Variants in CHN2 observed in about 807,000 individuals in gnomAD.
CHN2 encodes chimerin 2, also known as beta-chimaerin.
Under a neutral mutation model 56.3 loss-of-function variants are expected in CHN2, and 35 were observed. The observed-to-expected ratio is 0.62, with a 90% CI of 0.47 to 0.82. The LOEUF (loss-of-function observed/expected upper bound fraction) is 0.82. Among genes scored for constraint, CHN2 ranks in the 40% least tolerant of loss-of-function variants. The pLI is 0.00. For missense variants in CHN2, 491 were observed against 580.5 expected (o/e 0.85, Z 1.58); for synonymous variants, 210 against 212.8 (o/e 0.99, Z 0.12).
chr7:29,376,307 G>A (rs1473620762), intron 3 of CHN2: 3 of 152,186 alleles, frequency 2.0e-5, no homozygotes, highest in Non-Finnish European at 4.4e-5. Context: ...AATCCCATGG[G>A]GCTTGTTATC....
Position 29,513,472 on chromosome 7 carries a change from T to C in CHN2, c.*737T>C, listed in dbSNP as rs1274937206. 1 of 152,348 alleles carries C rather than the reference T, an allele frequency of 6.6e-6. No individual in the cohort carries two copies. The highest frequency in any genetic ancestry group is 1.5e-5 in the Non-Finnish European group (1 of 68,044). The allele number at this position is 152,348 out of a possible 1,614,324, so 9.4% of individuals were successfully genotyped here. On this transcript the variant is annotated 3_prime_UTR_variant, in exon 13 of 13. Transcript: ENST00000222792. The stretch of plus-strand genomic sequence containing the variant: ...ACACACTTTCTATGCATACAAATTT[T>C]GTGAATTCCCAAAGTATGCTTTGGA...
chr7:29,353,631 CA>C (rs1050295306), intron 1 of CHN2, among the ~76,000 whole-genome samples: 1 of 149,744 alleles, frequency 6.7e-6, no homozygotes, highest in Non-Finnish European at 1.5e-5. Flanking sequence ...GACTCTGTCT[CA>C]AAAAAAAAGA....
chr7:29,390,566 G>A (rs183121144), intron 3 of CHN2, among the ~76,000 whole-genome samples: 4 of 152,274 alleles, frequency 2.6e-5, no homozygotes, highest in Admixed American at 2.6e-4. Context: ...AACAAACATA[G>A]TTTTCAATGA....
intron 6 of CHN2, among the ~76,000 whole-genome samples, chr7:29,475,899 A>G (rs1314877912): frequency 6.6e-6 from 1 of 152,252 alleles, no homozygotes; most frequent in African/African-American, 2.4e-5. Flanking sequence ...GAGCAGTGGT[A>G]CTGATGGGTA....
At chr7:29,447,593 C>G (rs1784118970) in intron 6 of CHN2, among the ~76,000 whole-genome samples, 1 of 152,106 alleles carries the variant, frequency 6.6e-6, no homozygotes, top group Non-Finnish European at 1.5e-5. Flanking sequence ...AGAATCTTAG[C>G]AAGTCCCAGG....
intron 1 of CHN2, among the ~76,000 whole-genome samples, chr7:29,217,575 A>C (rs1406781528): frequency 6.6e-6 from 1 of 152,236 alleles, no homozygotes; most frequent in Non-Finnish European, 1.5e-5. Flanking sequence ...AATCTTCATG[A>C]TGAAAGAATC....
chr7:29,181,953 T>A (rs1269975894), intron 2 of CHN2, among the ~76,000 whole-genome samples: 1 of 152,242 alleles, frequency 6.6e-6, no homozygotes, highest in Non-Finnish European at 1.5e-5. Flanking sequence ...GCCTCTAACA[T>A]ATCTACAGTA....
chr7:29,447,061 C>T (rs958295283), intron 6 of CHN2, among the ~76,000 whole-genome samples: 1 of 152,156 alleles, frequency 6.6e-6, no homozygotes, highest in Admixed American at 6.5e-5. Context: ...ACATACCCAG[C>T]GCCTGGCAAG....
chr7:29,290,759 A>G (rs1044637461), intron 1 of CHN2, among the ~76,000 whole-genome samples: 10 of 152,212 alleles, frequency 6.6e-5, no homozygotes, highest in Non-Finnish European at 2.9e-5. Context: ...TCGGGTCTGC[A>G]GCAACTTCAG....
intron 2 of CHN2, among the ~76,000 whole-genome samples, chr7:29,183,869 GA>G (rs1388730322): frequency 6.6e-6 from 1 of 151,738 alleles, no homozygotes; most frequent in Non-Finnish European, 1.5e-5. Context: ...AAAAATGTTA[GA>G]AAAAACAATA....
Position 29,412,620 on chromosome 7 carries a change from C to T in CHN2, c.576+11792C>T, listed in dbSNP as rs564831078. ...CTGGGATTACAGGCGTGAGCCACCG[C>T]GCCAGGACACTAAAGAGTCTTAATG... On this transcript the variant is annotated intron_variant, in intron 6 of 12. Transcript: ENST00000222792. 1.2e-4 allele frequency among the ~76,000 whole-genome samples: 19 copies of T among 152,212 alleles called. No individual in the cohort carries two copies. The East Asian group carries it at 2.7e-3, about 22-fold the overall frequency.
At chr7:29,291,235 C>A (rs892203336) in intron 1 of CHN2, among the ~76,000 whole-genome samples, 1 of 152,148 alleles carries the variant, frequency 6.6e-6, no homozygotes, top group Non-Finnish European at 1.5e-5. Flanking sequence ...TAAGATCTTA[C>A]TGAGAAGCAG....
At chr7:29,499,584 T>C (rs973792077) in intron 8 of CHN2, among the ~76,000 whole-genome samples, 20 of 151,908 alleles carry the variant, frequency 1.3e-4, no homozygotes, top group African/African-American at 4.9e-4. Flanking sequence ...CAGGAAAACA[T>C]ATACAAAAAA....
intron 1 of CHN2, among the ~76,000 whole-genome samples, chr7:29,349,616 A>G (rs1277400555): frequency 6.6e-6 from 1 of 152,166 alleles, no homozygotes; most frequent in East Asian, 1.9e-4. Flanking sequence ...ATCTTTGTAC[A>G]TGTGTTCAAT....
chr7:29,332,890 G>A (rs1445760594), intron 1 of CHN2: 3 of 151,970 alleles, frequency 2.0e-5, no homozygotes, highest in African/African-American at 7.2e-5. Context: ...ATAAGTTGAG[G>A]AGCTTCTGTA....
intron 3 of CHN2, among the ~76,000 whole-genome samples, chr7:29,389,752 A>AT (rs991576886): frequency 6.6e-6 from 1 of 152,144 alleles, no homozygotes; most frequent in Non-Finnish European, 1.5e-5. Context: ...GTTCAGTTTT[A>AT]TTTTTAAAAA....
intron 1 of CHN2, among the ~76,000 whole-genome samples, chr7:29,298,910 A>G (rs1183700630): frequency 6.6e-6 from 1 of 152,224 alleles, no homozygotes; most frequent in Non-Finnish European, 1.5e-5. Context: ...GTTGTTTGCA[A>G]AATAGACTTT....
chr7:29,330,941 C>A (rs560818725), intron 1 of CHN2, among the ~76,000 whole-genome samples: 1 of 152,128 alleles, frequency 6.6e-6, no homozygotes, highest in Non-Finnish European at 1.5e-5. Context: ...AAATTTAACC[C>A]ATTTAAACAT....
At chr7:29,282,311 G>A (rs1007075433) in intron 1 of CHN2, among the ~76,000 whole-genome samples, 1 of 151,570 alleles carries the variant, frequency 6.6e-6, no homozygotes, top group Non-Finnish European at 1.5e-5. Context: ...TCCACTGAGT[G>A]CCCACTATGT....
Sources: allele counts gnomAD v4.1 joint callset (sites outside exome capture counted in the v4.1 genomes callset), GRCh38; gene constraint gnomAD v4.1.1; transcripts MANE v1.5; gene names NCBI Gene and HGNC (gene_info 2026-07-23, HGNC 2026-07-21).